Variants in ULK4 observed in about 807,000 individuals in gnomAD.
The protein encoded by ULK4 is inactive serine/threonine-protein kinase ULK4.
A neutral mutation model predicts 160.6 loss-of-function variants in ULK4; 133 were observed. That is an observed-to-expected ratio of 0.83 (90% CI 0.72 to 0.96). The LOEUF (loss-of-function observed/expected upper bound fraction) is 0.96. Among genes scored for constraint, ULK4 ranks in the 40% least tolerant of loss-of-function variants. The pLI is 0.00. For missense variants in ULK4, 1,580 were observed against 1,499.5 expected (o/e 1.05, Z -0.89); for synonymous variants, 534 against 539.8 (o/e 0.99, Z 0.15).
chr3:41,519,141 C>T (rs1001924699), intron 32 of ULK4, among the ~76,000 whole-genome samples: 1 of 152,184 alleles, frequency 6.6e-6, no homozygotes, highest in African/African-American at 2.4e-5. Flanking sequence ...AGATGTTGGC[C>T]TCTACAAAAT....
At chr3:41,400,033 A>C (rs1383231477) in intron 34 of ULK4, among the ~76,000 whole-genome samples, 1 of 152,102 alleles carries the variant, frequency 6.6e-6, no homozygotes, top group East Asian at 1.9e-4. Context: ...ATGTGAATTA[A>C]ACTTTTATTT....
chr3:41,325,210 A>G (rs2080317912), intron 35 of ULK4, among the ~76,000 whole-genome samples: 1 of 152,234 alleles, frequency 6.6e-6, no homozygotes, highest in African/African-American at 2.4e-5. Flanking sequence ...TCTCCCAGAA[A>G]TTACAAAGAT....
At chr3:41,883,287 C>A (rs1364799526) in intron 17 of ULK4, among the ~76,000 whole-genome samples, 1 of 152,168 alleles carries the variant, frequency 6.6e-6, no homozygotes, top group African/African-American at 2.4e-5. Context: ...AAATACCACA[C>A]AACCAGCTTC....
intron 2 of ULK4, among the ~76,000 whole-genome samples, chr3:41,941,340 A>G (rs1243493355): frequency 3.0e-4 from 1 of 3,386 alleles, no homozygotes; most frequent in African/African-American, 3.1e-4. Flanking sequence ...GCCCAGCTTG[A>G]AAAAAAAAAA....
At chr3:41,415,877 C>T (rs1326461568) in intron 34 of ULK4, among the ~76,000 whole-genome samples, 1 of 152,104 alleles carries the variant, frequency 6.6e-6, no homozygotes, top group African/African-American at 2.4e-5. Flanking sequence ...ATAAGTGTGT[C>T]AGTGAAAAGA....
At position 41,558,969 on chromosome 3, in the gene ULK4, G is replaced by A. The variant is rs368139788; in HGVS notation, c.3226+7056C>T. ...TATACATGTGCCATGCTGGTGTGCTGCACCCATTAACTCATCATTTAACAT... is the reference window on the plus strand; with the variant it reads ...TATACATGTGCCATGCTGGTGTGCTACACCCATTAACTCATCATTTAACAT... On this transcript the variant is annotated intron_variant, in intron 32 of 36. Transcript: ENST00000301831. 1.3e-4 allele frequency among the ~76,000 whole-genome samples: 17 copies of A among 134,376 alleles called. 1 individual carries two copies. Among genetic ancestry groups the A allele is most frequent in the Middle Eastern group, 7.4e-3 (2 of 272 alleles). The allele number at this position is 134,376 out of a possible 152,430, so 88.2% of individuals were successfully genotyped here. A position where few individuals can be genotyped will look rare whatever the true frequency, so the allele number is the denominator to read the frequency against.
intron 27 of ULK4, among the ~76,000 whole-genome samples, chr3:41,694,887 G>T (rs1423695980): frequency 6.6e-6 from 1 of 152,194 alleles, no homozygotes; most frequent in Non-Finnish European, 1.5e-5. Flanking sequence ...CAAACCGTCT[G>T]TGACTATATG....
chr3:41,399,446 T>C (rs1034626462), intron 34 of ULK4, among the ~76,000 whole-genome samples: 1 of 152,196 alleles, frequency 6.6e-6, no homozygotes, highest in African/African-American at 2.4e-5. Flanking sequence ...TTTCTGCAAG[T>C]TGTCTTTTGA....
chr3:41,732,437 G>A (rs2037864580), intron 22 of ULK4, among the ~76,000 whole-genome samples: 1 of 151,990 alleles, frequency 6.6e-6, no homozygotes, highest in African/African-American at 2.4e-5. Context: ...CAGTTAGAGT[G>A]GCTATTAACA....
At position 41,470,018 on chromosome 3, in the gene ULK4, G is replaced by GAAAAAAAAAAAAAAAA. The variant is rs71094650; in HGVS notation, c.3227-6781_3227-6766dup. ...GAGGAATTCAAGAAGAAACAGAACA[G>GAAAAAAAAAAAAAAAA]AAAAAAAAAAAAAAAAAAAAAAAAA... On this transcript the variant is annotated intron_variant, in intron 32 of 36. Coordinates refer to ENST00000301831, the MANE Select transcript of ULK4 (RefSeq NM_017886.4). Among the ~76,000 whole-genome samples, 120 of 45,972 alleles carry GAAAAAAAAAAAAAAAA rather than the reference G, an allele frequency of 2.6e-3. 8 individuals are homozygous for GAAAAAAAAAAAAAAAA. Among genetic ancestry groups the GAAAAAAAAAAAAAAAA allele is most frequent in the Non-Finnish European group, 3.4e-3 (90 of 26,534 alleles). 30.2% of individuals were successfully genotyped at this position (45,972 alleles called of 152,430 possible).
intron 31 of ULK4, among the ~76,000 whole-genome samples, chr3:41,576,604 A>G (rs2088196995): frequency 6.6e-6 from 1 of 152,230 alleles, no homozygotes; most frequent in Non-Finnish European, 1.5e-5. Context: ...CAGTTAAGCA[A>G]TTGATAAACA....
chr3:41,655,172 A>G (rs2034884968), intron 30 of ULK4, among the ~76,000 whole-genome samples: 1 of 151,818 alleles, frequency 6.6e-6, no homozygotes, highest in African/African-American at 2.4e-5. Flanking sequence ...TAAATTATCT[A>G]GGTGTACATG....
rs1698180180 is a variant in ULK4 at position 41,896,942 on chromosome 3, C to T, written c.1410G>A (p.Ser470=). Residue 470 remains serine, a synonymous_variant, in exon 15 of 37, where the codon TCG becomes TCA. Transcript: ENST00000301831. ...TGCTCTTCTCAGTGGAGTCGATCTG[C>T]GAGCACACTTGTTGCAAAAAGTCAT... ...DWNDFLQQVC[S]QIDSTEKSMG... The T allele has an allele frequency of 8.7e-6, 14 of 1,613,196 alleles. No individual in the cohort carries two copies. The highest frequency in any genetic ancestry group is 1.7e-5 in the Admixed American group (1 of 59,980).
intron 20 of ULK4, among the ~76,000 whole-genome samples, chr3:41,794,687 C>CAAA (rs2040252658): frequency 1.7e-5 from 1 of 58,544 alleles, no homozygotes; most frequent in African/African-American, 8.5e-5. Flanking sequence ...AAAAAAAAAA[C>CAAA]ACAGAAAAAA....
intron 21 of ULK4, among the ~76,000 whole-genome samples, chr3:41,769,333 T>C (rs1382720378): frequency 2.0e-5 from 3 of 152,168 alleles, no homozygotes; most frequent in Non-Finnish European, 2.9e-5. Flanking sequence ...AGTTTTAATC[T>C]CACAACACTT....
chr3:41,323,676 C>A (rs950206709), intron 35 of ULK4, among the ~76,000 whole-genome samples: 2 of 152,062 alleles, frequency 1.3e-5, no homozygotes, highest in African/African-American at 2.4e-5. Flanking sequence ...CCCGACCCCC[C>A]TCCCAGTGTC....
At position 41,883,276 on chromosome 3, in the gene ULK4, C is replaced by T. The variant is rs536491306; in HGVS notation, c.1656+598G>A. On this transcript the variant is annotated intron_variant, in intron 17 of 36. Coordinates refer to ENST00000301831, the MANE Select transcript of ULK4 (RefSeq NM_017886.4). ...ATTTTTCCAATTTTTCTTAAAGCCCCAAATACCACACAACCAGCTTCAACT... is the reference window on the plus strand; with the variant it reads ...ATTTTTCCAATTTTTCTTAAAGCCCTAAATACCACACAACCAGCTTCAACT... Among the ~76,000 whole-genome samples, 151 of 152,230 alleles carry T rather than the reference C, an allele frequency of 9.9e-4. 1 individual carries two copies. Among genetic ancestry groups the T allele is most frequent in the Middle Eastern group, 3.4e-3 (1 of 294 alleles).
At chr3:41,460,243 C>G (rs905258576) in intron 33 of ULK4, among the ~76,000 whole-genome samples, 2 of 152,134 alleles carry the variant, frequency 1.3e-5, no homozygotes, top group Non-Finnish European at 2.9e-5. Flanking sequence ...GATGAGGTAA[C>G]AAACTTCCCC....
At chr3:41,346,640 T>A (rs2080806299) in intron 35 of ULK4, among the ~76,000 whole-genome samples, 1 of 152,160 alleles carries the variant, frequency 6.6e-6, no homozygotes, top group Non-Finnish European at 1.5e-5. Context: ...GTTTAATATT[T>A]TCAAGTTTTT....
Sources: allele counts gnomAD v4.1 joint callset (sites outside exome capture counted in the v4.1 genomes callset), GRCh38; gene constraint gnomAD v4.1.1; transcripts MANE v1.5; gene names NCBI Gene and HGNC (gene_info 2026-07-23, HGNC 2026-07-21).